Variants in BRAF observed in about 807,000 individuals in gnomAD.
BRAF encodes B-Raf proto-oncogene, serine/threonine kinase.
A neutral mutation model predicts 104.6 loss-of-function variants in BRAF; 16 were observed. That is an observed-to-expected ratio of 0.15 (90% confidence interval 0.10 to 0.23). BRAF has a LOEUF of 0.23. Among genes scored for constraint, BRAF ranks in the 10% least tolerant of loss-of-function variants. The pLI is 1.00. For missense variants in BRAF, 541 were observed against 937.3 expected (o/e 0.58, Z 5.52); for synonymous variants, 310 against 341.6 (o/e 0.91, Z 1.02).
In BRAF at chr7:140,753,341, A is replaced by G. The variant is rs2128998337; in HGVS notation, c.1914T>C (p.Ala638=). The G allele has an allele frequency of 6.2e-7, 1 of 1,612,888 alleles. No homozygotes were observed. Among genetic ancestry groups the G allele is most frequent in the Non-Finnish European group, 8.5e-7 (1 of 1,179,030 alleles). ...ACCCACTCCATCGAGATTTCACTGT[A>G]GCTAGACCAAAATCACCTATTTTTA... ...LTVKIGDFGL[A]TVKSRWSGSH... is the part of the protein sequence containing the mutation. Residue 638 remains alanine (A), a synonymous_variant, in exon 16 of 20, where the codon GCT becomes GCC. Transcript: ENST00000644969.
In BRAF at chr7:140,725,669, T is replaced by C. The variant is rs750155582; in HGVS notation, c.*825A>G. The C allele has an allele frequency of 1.8e-4, 195 of 1,058,758 alleles. No individual in the cohort carries two copies. Among genetic ancestry groups the C allele is most frequent in the Non-Finnish European group, 2.2e-4 (190 of 875,492 alleles). The allele number at this position is 1,058,758 out of a possible 1,614,324, so 65.6% of individuals were successfully genotyped here. A position where few individuals can be genotyped will look rare whatever the true frequency, so the allele number is the denominator to read the frequency against. ...GAGCATAGGAGGAAGATATAAACTG[T>C]ATTTCCTGAGAATTTGCTACATTGT... On this transcript the variant is annotated 3_prime_UTR_variant, in exon 20 of 20. Coordinates refer to ENST00000644969, the MANE Select transcript of BRAF (RefSeq NM_001374258.1).
rs564427511 is a variant in BRAF, at chr7:140,789,715, T to C, written c.1141-2131A>G. 9.8e-5 allele frequency among the ~76,000 whole-genome samples: 15 copies of C among 152,316 alleles called. No individual in the cohort carries two copies. The East Asian group carries it at 2.9e-3, about 29-fold the overall frequency. On this transcript the variant is annotated intron_variant, in intron 8 of 19. Coordinates refer to ENST00000644969, the MANE Select transcript of BRAF (RefSeq NM_001374258.1). ...ATGCCAAAGTTTGCTGCTCAATTGA[T>C]TGCCAACTAAGTGATACAGGTGATA... is the stretch of plus-strand genomic sequence containing the variant.
At chr7:140,713,873 CT>C in the BRAF span, among the ~76,000 whole-genome samples, 2 of 152,206 alleles carry the variant, frequency 1.3e-5, no homozygotes, top group African/African-American at 4.8e-5. Context: ...TAGAGGTCCA[CT>C]CCAGACCCTG....
At position 140,724,831 on chromosome 7, in the gene BRAF, A is replaced by G; in HGVS notation, c.*1663T>C. The G allele has an allele frequency of 9.6e-7, 1 of 1,038,388 alleles. No individual in the cohort carries two copies. Among genetic ancestry groups the G allele is most frequent in the Non-Finnish European group, 1.2e-6 (1 of 862,302 alleles). 64.3% of individuals were successfully genotyped at this position (1,038,388 alleles called of 1,614,324 possible). ...CCTAAATTCTGAGTCTAGATTCCTGATAAGGGAGGTTTTCCATTAATTTGC... is the reference window on the plus strand; with the variant it reads ...CCTAAATTCTGAGTCTAGATTCCTGGTAAGGGAGGTTTTCCATTAATTTGC... On this transcript the variant is annotated 3_prime_UTR_variant, in exon 20 of 20. Transcript: ENST00000644969.
At chr7:140,894,230 G>C (rs1311109474) in intron 1 of BRAF, among the ~76,000 whole-genome samples, 3 of 152,136 alleles carry the variant, frequency 2.0e-5, no homozygotes, top group Non-Finnish European at 4.4e-5. Context: ...GGCCACGGTG[G>C]AAACAGAAAG....
chr7:140,758,543 C>T (rs559621770), intron 14 of BRAF, among the ~76,000 whole-genome samples: 1 of 152,132 alleles, frequency 6.6e-6, no homozygotes, highest in East Asian at 1.9e-4. Context: ...CAGCCTCAAC[C>T]TCCTGGGCTC....
At chr7:140,863,979 T>A (rs987747648) in intron 1 of BRAF, among the ~76,000 whole-genome samples, 1 of 152,208 alleles carries the variant, frequency 6.6e-6, no homozygotes, top group Non-Finnish European at 1.5e-5. Context: ...GACGAGCACA[T>A]TGTGGCATAA....
chr7:140,802,891 C>T (rs1236281031), intron 5 of BRAF, among the ~76,000 whole-genome samples: 1 of 152,174 alleles, frequency 6.6e-6, no homozygotes, highest in Non-Finnish European at 1.5e-5. Context: ...TAATGTCCTA[C>T]GCCTTCACAT....
At chr7:140,762,089 T>G (rs966315620) in intron 14 of BRAF, among the ~76,000 whole-genome samples, 21 of 152,194 alleles carry the variant, frequency 1.4e-4, no homozygotes, top group Middle Eastern at 3.4e-3. Context: ...AATATACATT[T>G]TTTTCAGCAC....
At position 140,899,761 on chromosome 7, in the gene BRAF, T is replaced by C. The variant is rs144400745; in HGVS notation, c.138+24805A>G. Among the ~76,000 whole-genome samples, 3 of 152,352 alleles carry C rather than the reference T, an allele frequency of 2.0e-5. No individual in the cohort carries two copies. The East Asian group carries it at 5.8e-4, about 29-fold the overall frequency. On this transcript the variant is annotated intron_variant, in intron 1 of 19. Transcript: ENST00000644969. Reference sequence around the variant, plus strand: ...TTTTCATACCAGTTCATTCTTTACATGTTGTAGTAGGTAGCCTCTAAACTG... The same window carrying C: ...TTTTCATACCAGTTCATTCTTTACACGTTGTAGTAGGTAGCCTCTAAACTG...
intron 1 of BRAF, among the ~76,000 whole-genome samples, chr7:140,871,420 T>C (rs1033256779): frequency 2.8e-4 from 42 of 152,048 alleles, no homozygotes; most frequent in African/African-American, 1.0e-3. Context: ...CACATACACA[T>C]ATTGAGAAGA....
At chr7:140,806,858 T>C (rs1025834137) in intron 5 of BRAF, among the ~76,000 whole-genome samples, 1 of 152,144 alleles carries the variant, frequency 6.6e-6, no homozygotes, top group African/African-American at 2.4e-5. Context: ...CTTGAAAGCA[T>C]AAACCCCAAA....
chr7:140,758,786 A>C (rs1485822880), intron 14 of BRAF, among the ~76,000 whole-genome samples: 1 of 152,250 alleles, frequency 6.6e-6, no homozygotes, highest in African/African-American at 2.4e-5. Context: ...ACTGAGGTAC[A>C]GTTTACACAC....
intron 1 of BRAF, among the ~76,000 whole-genome samples, chr7:140,895,883 T>A (rs895320758): frequency 6.6e-6 from 1 of 152,144 alleles, no homozygotes; most frequent in Non-Finnish European, 1.5e-5. Flanking sequence ...GCAGTAAACA[T>A]GGGGATGCAA....
At chr7:140,751,218 T>C (rs1005563399) in intron 16 of BRAF, among the ~76,000 whole-genome samples, 11 of 152,324 alleles carry the variant, frequency 7.2e-5, no homozygotes, top group African/African-American at 2.6e-4. Flanking sequence ...TATAATAATC[T>C]ACAAACTGTA....
chr7:140,796,615 AATG>A (rs1159699054), intron 7 of BRAF, among the ~76,000 whole-genome samples: 30 of 152,332 alleles, frequency 2.0e-4, no homozygotes, highest in African/African-American at 7.2e-4. Context: ...TATATTAGAA[AATG>A]ATGATATCTG....
intron 14 of BRAF, among the ~76,000 whole-genome samples, chr7:140,760,623 T>A (rs550991165): frequency 1.3e-4 from 20 of 152,022 alleles, no homozygotes; most frequent in African/African-American, 4.8e-4. Flanking sequence ...CCCAAAAGTT[T>A]TTTTTAATGA....
At chr7:140,762,851 C>A (rs556150010) in intron 14 of BRAF, among the ~76,000 whole-genome samples, 596 of 152,316 alleles carry the variant, frequency 3.9e-3, no homozygotes, top group Non-Finnish European at 6.0e-3. Context: ...TAACAAAGCA[C>A]ATCTTGCACC....
At chr7:140,746,848 A>G (rs1797391978) in intron 17 of BRAF, among the ~76,000 whole-genome samples, 1 of 151,824 alleles carries the variant, frequency 6.6e-6, no homozygotes, top group African/African-American at 2.4e-5. Context: ...AAAAAAAGAA[A>G]AAAGAAAAAA....
Sources: gnomAD v4.1 joint callset for allele counts (sites outside exome capture counted in the v4.1 genomes callset) on GRCh38, gnomAD v4.1.1 for gene constraint, MANE v1.5 for transcripts, NCBI Gene and HGNC (gene_info 2026-07-23, HGNC 2026-07-21) for gene names.